Variants in TMCO6 observed in about 807,000 individuals in gnomAD.
TMCO6 encodes transmembrane and coiled-coil domains 6.
TMCO6 carries 47 observed loss-of-function variants against 61.8 expected under a neutral mutation model. The ratio of observed to expected loss-of-function variants is 0.76; its 90% CI spans 0.60 to 0.97. The LOEUF (loss-of-function observed/expected upper bound fraction) is 0.97, where lower values mean the gene tolerates loss of function less well. TMCO6 is among the 50% of genes least tolerant of loss of function. The pLI, the probability that TMCO6 is intolerant of heterozygous loss-of-function variation, is 0.00. For missense variants in TMCO6, 557 were observed against 601.6 expected (o/e 0.93, Z 0.78); for synonymous variants, 261 against 254.2 (o/e 1.03, Z -0.25).
At chr5:140,613,818 C>T in the TMCO6 span, among the ~76,000 whole-genome samples, 12 of 152,112 alleles carry the variant, frequency 7.9e-5, no homozygotes, top group African/African-American at 2.7e-4. Flanking sequence ...AGCAATCCTC[C>T]TGTCTCAGCC....
chr5:140,644,428 T>C (rs1757260238), intron 10 of TMCO6, 145 bp from the exon 11 acceptor site: 1 of 1,003,002 alleles, frequency 1.0e-6, no homozygotes, highest in South Asian at 1.5e-5. Context: ...TCTTGCATCA[T>C]AGGGTAGTTG....
downstream of TMCO6, chr5:140,645,686 G>C (rs373000875): frequency 8.1e-6 from 13 of 1,614,098 alleles, no homozygotes; most frequent in African/African-American, 1.6e-4. Context: ...ATGCTGAAGA[G>C]AGAGAGGGAG....
downstream of TMCO6, chr5:140,645,780 A>T (rs1757357881): frequency 6.5e-7 from 1 of 1,535,200 alleles, no homozygotes; most frequent in Admixed American, 1.9e-5. Flanking sequence ...TTAAGACAGG[A>T]AGAGTATTAA....
upstream of TMCO6, among the ~76,000 whole-genome samples, chr5:140,638,502 A>T (rs1756832774): frequency 6.6e-6 from 1 of 152,068 alleles, no homozygotes; most frequent in Non-Finnish European, 1.5e-5. Context: ...AAAGAATAAA[A>T]GATTGATCTA....
Position 140,645,376 on chromosome 5 carries a change from G to C in TMCO6, c.*278G>C. The C allele has an allele frequency of 1.3e-6, 1 of 791,174 alleles. No individual in the cohort carries two copies. Among genetic ancestry groups the C allele is most frequent in the Non-Finnish European group, 2.1e-6 (1 of 469,210 alleles). 49.0% of individuals were successfully genotyped at this position (791,174 alleles called of 1,614,324 possible). A position where few individuals can be genotyped will look rare whatever the true frequency, so the allele number is the denominator to read the frequency against. On this transcript the variant is annotated 3_prime_UTR_variant, in exon 12 of 12. Transcript: ENST00000394671. ...TTCAGCAGCTGGTAGCTTTTGATGA[G>C]ACAGAATAAAGTTTTATTTTTATAT...
the TMCO6 span, among the ~76,000 whole-genome samples, chr5:140,610,720 T>C: frequency 3.3e-5 from 5 of 152,228 alleles, no homozygotes; most frequent in Admixed American, 6.5e-5. Context: ...GCCATTTATT[T>C]CTTTTACTAA....
the TMCO6 span, among the ~76,000 whole-genome samples, chr5:140,626,271 G>C: frequency 6.6e-6 from 1 of 151,902 alleles, no homozygotes; most frequent in Admixed American, 6.6e-5. Flanking sequence ...TATCACCCAG[G>C]CTGGAATGCA....
the TMCO6 span, among the ~76,000 whole-genome samples, chr5:140,597,073 T>C: frequency 6.6e-6 from 1 of 152,200 alleles, no homozygotes; most frequent in Non-Finnish European, 1.5e-5. Context: ...ACCAGACATA[T>C]TCTTTATTAT....
chr5:140,645,604 G>C, downstream of TMCO6: 1 of 1,614,138 alleles, frequency 6.2e-7, no homozygotes, highest in Middle Eastern at 1.7e-4. Flanking sequence ...TTACCACTTA[G>C]AACGTTCTCC....
upstream of TMCO6, among the ~76,000 whole-genome samples, chr5:140,636,829 T>C (rs550897691): frequency 2.0e-5 from 3 of 152,366 alleles, no homozygotes; most frequent in South Asian, 2.1e-4. Context: ...CCTAGATTTG[T>C]ACTTAATTGA....
At chr5:140,628,904 C>T in the TMCO6 span, among the ~76,000 whole-genome samples, 4 of 152,250 alleles carry the variant, frequency 2.6e-5, no homozygotes, top group African/African-American at 9.6e-5. Context: ...GCTAGTAGTG[C>T]CTACAGTGTA....
the TMCO6 span, chr5:140,609,359 A>G: frequency 3.9e-6 from 1 of 259,684 alleles, no homozygotes; most frequent in Non-Finnish European, 8.4e-6. Context: ...GGAGCTGAGC[A>G]ACATCCTGGC....
intron 2 of TMCO6, chr5:140,641,437 A>C: frequency 1.9e-6 from 1 of 531,848 alleles, no homozygotes; most frequent in South Asian, 2.4e-5. Context: ...CAGGTGAGGA[A>C]ACTTAGGTTC....
rs11554680 is a variant in TMCO6, at chr5:140,641,897, C to T, written c.342C>T (p.Val114=). ...TGGAGGGCAGCATGCGGACCCTGGT[C>T]GGGCTCCTGACCAGCAACCAGGCCC... The part of the protein sequence containing the change: ...IRLEGSMRTL[V]GLLTSNQALL... The change falls in exon 4 of 12, where the codon GTC becomes GTT. Residue 114 remains valine, a synonymous_variant. Transcript: ENST00000394671. 0.24 allele frequency: 381,829 copies of T among 1,612,494 alleles called. 46,101 individuals carry two copies. The highest frequency in any genetic ancestry group is 0.28 in the East Asian group (12,744 of 44,796).
intron 9 of TMCO6, 39 bp from the exon 10 acceptor site, chr5:140,644,061 G>A (rs1462777171): frequency 5.0e-6 from 8 of 1,613,256 alleles, no homozygotes; most frequent in Non-Finnish European, 6.8e-6. Context: ...CAGGGGTGGT[G>A]GGGGAAAGCA....
chr5:140,599,589 C>G, the TMCO6 span, among the ~76,000 whole-genome samples: 19 of 152,318 alleles, frequency 1.2e-4, no homozygotes, highest in Non-Finnish European at 1.5e-5. Flanking sequence ...ATAGGACACT[C>G]TCCAGGTAGC....
chr5:140,598,752 G>T, the TMCO6 span, among the ~76,000 whole-genome samples: 3 of 152,140 alleles, frequency 2.0e-5, no homozygotes, highest in South Asian at 6.2e-4. Context: ...TGGTCAACAT[G>T]GTGAAACCCA....
chr5:140,637,809 C>T (rs1756805385), upstream of TMCO6, among the ~76,000 whole-genome samples: 1 of 152,142 alleles, frequency 6.6e-6, no homozygotes, highest in Non-Finnish European at 1.5e-5. Context: ...AACCAATTGT[C>T]AACCAGAAAA....
At chr5:140,638,563 TTC>T (rs200053882), upstream of TMCO6, among the ~76,000 whole-genome samples, 3,202 of 120,718 alleles carry the variant, frequency 0.027, 111 homozygotes, top group African/African-American at 0.11. Flanking sequence ...CTTTCTTTCT[TTC>T]TTTTTTTTTT....
Sources: allele counts gnomAD v4.1 joint callset (sites outside exome capture counted in the v4.1 genomes callset), GRCh38; gene constraint gnomAD v4.1.1; transcripts MANE v1.5; gene names NCBI Gene and HGNC (gene_info 2026-07-23, HGNC 2026-07-21).